Variants in TENM3 observed in about 807,000 individuals in gnomAD.
The protein encoded by TENM3 is teneurin transmembrane protein 3.
In TENM3, 63 loss-of-function variants were observed where a neutral mutation model predicts 255.1. That is an observed-to-expected ratio of 0.25 (90% CI 0.20 to 0.30). The LOEUF is 0.30. Ranked by LOEUF, TENM3 falls within the 10% of genes least tolerant of loss-of-function variation. The pLI is 1.00. For missense variants in TENM3, 2,929 were observed against 3,461.1 expected (o/e 0.85, Z 3.86); for synonymous variants, 1,306 against 1,322.3 (o/e 0.99, Z 0.27).
At chr4:181,507,016 C>T in the TENM3 span, among the ~76,000 whole-genome samples, 3 of 152,298 alleles carry the variant, frequency 2.0e-5, no homozygotes, top group East Asian at 5.8e-4. Flanking sequence ...TGAAGGTTTC[C>T]TTCCAAAAGG....
intron 19 of TENM3, 25 bp downstream of exon 19, chr4:182,743,444 T>G: frequency 6.2e-7 from 1 of 1,607,480 alleles, no homozygotes; most frequent in Non-Finnish European, 8.5e-7. Context: ...AATTTGGGCT[T>G]TTAACCAAAG....
the TENM3 span, among the ~76,000 whole-genome samples, chr4:182,017,243 T>C: frequency 1.3e-5 from 2 of 152,240 alleles, no homozygotes; most frequent in South Asian, 4.1e-4. Flanking sequence ...CCACACGCCG[T>C]GCTTCGCCCT....
At chr4:181,551,865 T>C in the TENM3 span, among the ~76,000 whole-genome samples, 3 of 145,894 alleles carry the variant, frequency 2.1e-5, no homozygotes, top group African/African-American at 7.7e-5. Flanking sequence ...TGTGTGTGTG[T>C]GTGTGTGTGT....
the TENM3 span, among the ~76,000 whole-genome samples, chr4:182,138,982 T>A: frequency 6.6e-6 from 1 of 152,168 alleles, no homozygotes; most frequent in Non-Finnish European, 1.5e-5. Context: ...ATACCCCTGT[T>A]TAAAAAAGAA....
the TENM3 span, among the ~76,000 whole-genome samples, chr4:181,588,071 C>T: frequency 6.6e-6 from 1 of 152,158 alleles, no homozygotes; most frequent in Non-Finnish European, 1.5e-5. Flanking sequence ...AGCATCCACT[C>T]AGGCAGGGGC....
At chr4:181,696,684 C>G in the TENM3 span, among the ~76,000 whole-genome samples, 2 of 152,168 alleles carry the variant, frequency 1.3e-5, no homozygotes, top group Non-Finnish European at 2.9e-5. Context: ...TAAGACTGTA[C>G]GCACTCACTA....
At chr4:181,603,632 A>G in the TENM3 span, among the ~76,000 whole-genome samples, 1 of 152,232 alleles carries the variant, frequency 6.6e-6, no homozygotes, top group Non-Finnish European at 1.5e-5. Context: ...ATAATGAAAT[A>G]TTAAAGTGCT....
chr4:182,697,205 C>T (rs1468210432), intron 12 of TENM3, among the ~76,000 whole-genome samples: 1 of 152,124 alleles, frequency 6.6e-6, no homozygotes, highest in Non-Finnish European at 1.5e-5. Flanking sequence ...TGTCTCTAGG[C>T]AGAGGAATTA....
the TENM3 span, among the ~76,000 whole-genome samples, chr4:182,010,539 C>T: frequency 0.31 from 46,521 of 151,540 alleles, 7,821 homozygotes; most frequent in Non-Finnish European, 0.39. Flanking sequence ...GTTAAAATAA[C>T]TCTGATTTTT....
At chr4:182,493,182 A>C (rs577263497) in intron 3 of TENM3, among the ~76,000 whole-genome samples, 53 of 152,210 alleles carry the variant, frequency 3.5e-4, no homozygotes, top group Non-Finnish European at 5.3e-4. Flanking sequence ...TTGATCATCA[A>C]GCAGTTTCTA....
intron 3 of TENM3, among the ~76,000 whole-genome samples, chr4:182,517,681 CCAAA>C (rs991141736): frequency 3.1e-5 from 4 of 130,056 alleles, no homozygotes; most frequent in Admixed American, 7.8e-5. Flanking sequence ...CCGCGCCCGG[CCAAA>C]CAAAGTTCAT....
the TENM3 span, among the ~76,000 whole-genome samples, chr4:181,610,617 C>T: frequency 2.2e-4 from 33 of 152,042 alleles, 1 homozygote; most frequent in South Asian, 1.7e-3. Context: ...TGATGTGACA[C>T]AATGACTAAC....
chr4:181,887,258 T>C, the TENM3 span, among the ~76,000 whole-genome samples: 1 of 151,998 alleles, frequency 6.6e-6, no homozygotes, highest in Non-Finnish European at 1.5e-5. Flanking sequence ...GTGTGATTTT[T>C]TTTTTTTAGA....
At chr4:181,922,021 T>G in the TENM3 span, among the ~76,000 whole-genome samples, 15 of 152,350 alleles carry the variant, frequency 9.8e-5, no homozygotes, top group African/African-American at 3.6e-4. Context: ...GTTCTGTTTA[T>G]ATGCTGGATT....
intron 3 of TENM3, among the ~76,000 whole-genome samples, chr4:182,424,837 C>A (rs1771088818): frequency 6.6e-6 from 1 of 152,058 alleles, no homozygotes; most frequent in African/African-American, 2.4e-5. Flanking sequence ...GAGAAAAATG[C>A]TGTTTTTTTG....
upstream of TENM3, among the ~76,000 whole-genome samples, chr4:182,238,737 C>G (rs1013253414): frequency 6.6e-6 from 1 of 152,122 alleles, no homozygotes; most frequent in African/African-American, 2.4e-5. Context: ...TCATTTGTAA[C>G]TTTTAACTAT....
chr4:182,488,822 C>T (rs777576740), intron 3 of TENM3, among the ~76,000 whole-genome samples: 3 of 151,710 alleles, frequency 2.0e-5, no homozygotes, highest in Admixed American at 6.6e-5. Flanking sequence ...GAAACCAGAA[C>T]GCATTAGTAA....
At chr4:181,786,435 G>A in the TENM3 span, among the ~76,000 whole-genome samples, 2 of 152,146 alleles carry the variant, frequency 1.3e-5, no homozygotes, top group African/African-American at 2.4e-5. Flanking sequence ...TCTTCATAGT[G>A]GAGAAATGGG....
At chr4:181,774,125 C>A in the TENM3 span, among the ~76,000 whole-genome samples, 5 of 96,120 alleles carry the variant, frequency 5.2e-5, no homozygotes, top group Non-Finnish European at 9.9e-5. Context: ...ACTAATGTGT[C>A]ATCTAGCATT....
Sources: allele counts gnomAD v4.1 joint callset (sites outside exome capture counted in the v4.1 genomes callset), GRCh38; gene constraint gnomAD v4.1.1; transcripts MANE v1.5; gene names NCBI Gene and HGNC (gene_info 2026-07-23, HGNC 2026-07-21).